The following FIRRM variants were observed in gnomAD, a reference collection of about 807,000 sequenced individuals.
The protein encoded by FIRRM is FIGNL1-interacting regulator of recombination and mitosis.
the FIRRM span, among the ~76,000 whole-genome samples, chr1:169,822,072 CAT>C: frequency 2.0e-5 from 3 of 152,142 alleles, no homozygotes; most frequent in Non-Finnish European, 4.4e-5. Flanking sequence ...AGACAAGCAG[CAT>C]AGTTAGAGAA....
chr1:169,851,968 T>G, the FIRRM span: 1 of 1,613,820 alleles, frequency 6.2e-7, no homozygotes, highest in Non-Finnish European at 8.5e-7. Context: ...GGCCAAACTT[T>G]AACAAGGCAA....
At chr1:169,816,684 G>A in the FIRRM span, among the ~76,000 whole-genome samples, 1 of 152,112 alleles carries the variant, frequency 6.6e-6, no homozygotes, top group Non-Finnish European at 1.5e-5. Context: ...TGGGGCTCCT[G>A]GGCCTGTCAG....
chr1:169,798,843 T>A, the FIRRM span: 11 of 885,140 alleles, frequency 1.2e-5, no homozygotes, highest in Non-Finnish European at 1.2e-5. Flanking sequence ...AAAAGGGTTT[T>A]ATTTTTTTTT....
chr1:169,851,940 T>C, the FIRRM span: 1 of 1,614,072 alleles, frequency 6.2e-7, no homozygotes, highest in Non-Finnish European at 8.5e-7. Context: ...TTTACAGGTA[T>C]GGGCTGATTT....
the FIRRM span, chr1:169,793,710 C>T: frequency 3.2e-6 from 5 of 1,548,046 alleles, no homozygotes; most frequent in Non-Finnish European, 4.4e-6. Flanking sequence ...TTATTAAATG[C>T]ACACAATCTT....
At chr1:169,824,474 A>C in the FIRRM span, among the ~76,000 whole-genome samples, 2 of 152,138 alleles carry the variant, frequency 1.3e-5, no homozygotes, top group Non-Finnish European at 2.9e-5. Flanking sequence ...GTCCTCCTAC[A>C]AATACCGTCT....
At chr1:169,794,956 T>C in the FIRRM span, 6 of 636,174 alleles carry the variant, frequency 9.4e-6, no homozygotes, top group South Asian at 9.6e-5. Context: ...TTTCCGGCCT[T>C]GAGGGACCCG....
At chr1:169,816,363 A>T in the FIRRM span, among the ~76,000 whole-genome samples, 16,011 of 152,182 alleles carry the variant, frequency 0.11, 1,020 homozygotes, top group Admixed American at 0.18. Context: ...AATTGCAGAA[A>T]AAACCCTCAA....
chr1:169,820,581 C>T, the FIRRM span, among the ~76,000 whole-genome samples: 4 of 152,136 alleles, frequency 2.6e-5, no homozygotes, highest in Admixed American at 2.6e-4. Context: ...TAAGTTGGGC[C>T]GCAAACCAAA....
the FIRRM span, among the ~76,000 whole-genome samples, chr1:169,844,502 G>A: frequency 5.3e-5 from 8 of 152,210 alleles, no homozygotes; most frequent in Admixed American, 4.6e-4. Context: ...GAAGATGATC[G>A]AAGAGATGAT....
the FIRRM span, among the ~76,000 whole-genome samples, chr1:169,791,540 CA>C: frequency 6.6e-6 from 1 of 152,038 alleles, no homozygotes; most frequent in Non-Finnish European, 1.5e-5. Flanking sequence ...TGATTGGGAG[CA>C]AATCAATTAA....
At chr1:169,800,412 T>A in the FIRRM span, among the ~76,000 whole-genome samples, 2 of 152,118 alleles carry the variant, frequency 1.3e-5, no homozygotes, top group African/African-American at 4.8e-5. Flanking sequence ...TTGTGGAAAA[T>A]ATGAAACATA....
At chr1:169,827,944 A>G in the FIRRM span, 7 of 1,234,922 alleles carry the variant, frequency 5.7e-6, no homozygotes, top group African/African-American at 4.5e-5. Flanking sequence ...TTTAAATCAG[A>G]TATTTATGTT....
the FIRRM span, chr1:169,792,467 C>A: frequency 9.5e-7 from 1 of 1,053,744 alleles, no homozygotes; most frequent in South Asian, 2.0e-5. Flanking sequence ...ATAAACAAAA[C>A]TAAACAAACA....
the FIRRM span, among the ~76,000 whole-genome samples, chr1:169,841,194 T>C: frequency 2.2e-4 from 34 of 152,350 alleles, no homozygotes; most frequent in African/African-American, 7.9e-4. Flanking sequence ...TTTTTCCATA[T>C]CTATTGAGAT....
chr1:169,838,720 C>T, the FIRRM span, among the ~76,000 whole-genome samples: 45 of 152,106 alleles, frequency 3.0e-4, no homozygotes, highest in African/African-American at 1.1e-3. Flanking sequence ...GAACTCCTGA[C>T]CTCAGGTGAT....
chr1:169,843,815 C>T, the FIRRM span: 2 of 1,124,006 alleles, frequency 1.8e-6, no homozygotes, highest in East Asian at 2.4e-5. Context: ...AAGGAGGTTG[C>T]TAAAACTGCT....
the FIRRM span, chr1:169,853,603 G>C: frequency 8.7e-7 from 1 of 1,147,536 alleles, no homozygotes; most frequent in South Asian, 1.4e-5. Context: ...TCCTGGGATG[G>C]GAAAAGCAGG....
At chr1:169,806,352 A>T in the FIRRM span, among the ~76,000 whole-genome samples, 1 of 152,240 alleles carries the variant, frequency 6.6e-6, no homozygotes, top group African/African-American at 2.4e-5. Flanking sequence ...CCAGACTAGA[A>T]CTTAACCACT....
Sources: allele counts gnomAD v4.1 joint callset (sites outside exome capture counted in the v4.1 genomes callset), GRCh38; gene constraint gnomAD v4.1.1; transcripts MANE v1.5; gene names NCBI Gene and HGNC (gene_info 2026-07-23, HGNC 2026-07-21).